The following ARHGAP42 variants were observed in gnomAD, a reference collection of about 807,000 sequenced individuals.
ARHGAP42 encodes the protein rho GTPase-activating protein 42.
ARHGAP42 carries 63 observed loss-of-function variants against 125.0 expected under a neutral mutation model. That is an observed-to-expected ratio of 0.50 (90% CI 0.41 to 0.62). The LOEUF is 0.62. Ranked by LOEUF, ARHGAP42 falls within the 20% of genes least tolerant of loss-of-function variation. The pLI is 0.00. For missense variants in ARHGAP42, 766 were observed against 1,024.2 expected (o/e 0.75, Z 3.44); for synonymous variants, 339 against 351.0 (o/e 0.97, Z 0.38).
intron 1 of ARHGAP42, among the ~76,000 whole-genome samples, chr11:100,732,522 G>A (rs576400351): frequency 9.2e-5 from 14 of 152,228 alleles, no homozygotes; most frequent in African/African-American, 2.6e-4. Context: ...ACAAACAGCC[G>A]TTCATGTCTG....
At chr11:100,948,224 A>G (rs1008022223) in intron 10 of ARHGAP42, among the ~76,000 whole-genome samples, 1 of 152,038 alleles carries the variant, frequency 6.6e-6, no homozygotes, top group African/African-American at 2.4e-5. Flanking sequence ...ACACTTAATG[A>G]TTTTATCACC....
At chr11:100,717,668 A>G (rs1480291898) in intron 1 of ARHGAP42, among the ~76,000 whole-genome samples, 1 of 148,870 alleles carries the variant, frequency 6.7e-6, no homozygotes, top group Non-Finnish European at 1.5e-5. Flanking sequence ...GATTCCATAT[A>G]TAATTCCAGC....
At chr11:100,746,939 G>C (rs951931141) in intron 1 of ARHGAP42, among the ~76,000 whole-genome samples, 1 of 152,078 alleles carries the variant, frequency 6.6e-6, no homozygotes, top group Non-Finnish European at 1.5e-5. Context: ...GCTTGACTTG[G>C]GTGTGATGTG....
intron 3 of ARHGAP42, among the ~76,000 whole-genome samples, chr11:100,844,061 A>G (rs635853): frequency 0.068 from 10,408 of 152,224 alleles, 1,219 homozygotes; most frequent in African/African-American, 0.24. Flanking sequence ...CAATAAGGCC[A>G]TAGTCACCAA....
At chr11:100,897,735 T>A (rs1433036542) in intron 4 of ARHGAP42, among the ~76,000 whole-genome samples, 4 of 152,200 alleles carry the variant, frequency 2.6e-5, no homozygotes, top group Non-Finnish European at 4.4e-5. Context: ...TTAAGGAGAT[T>A]TGAGGCTGAG....
chr11:100,809,524 A>C (rs1393603846), intron 3 of ARHGAP42, among the ~76,000 whole-genome samples: 1 of 152,270 alleles, frequency 6.6e-6, no homozygotes, highest in African/African-American at 2.4e-5. Context: ...ATGAAATTTT[A>C]CAAGACTTAG....
At chr11:100,914,938 A>C (rs565027547) in intron 5 of ARHGAP42, among the ~76,000 whole-genome samples, 13 of 152,124 alleles carry the variant, frequency 8.5e-5, no homozygotes, top group Non-Finnish European at 1.6e-4. Flanking sequence ...TTTTTTTTCC[A>C]ACAGGCATAT....
At chr11:100,820,649 C>T (rs1864383165) in intron 3 of ARHGAP42, among the ~76,000 whole-genome samples, 1 of 152,054 alleles carries the variant, frequency 6.6e-6, no homozygotes, top group African/African-American at 2.4e-5. Flanking sequence ...TCGCTCCATG[C>T]TCTATAATAG....
chr11:100,944,156 A>C (rs1408306925), intron 10 of ARHGAP42, among the ~76,000 whole-genome samples: 1 of 152,052 alleles, frequency 6.6e-6, no homozygotes, highest in East Asian at 1.9e-4. Context: ...CCCCATCATC[A>C]TGAAGGAATC....
chr11:100,851,322 T>C (rs11604197), intron 3 of ARHGAP42, among the ~76,000 whole-genome samples: 15,547 of 152,230 alleles, frequency 0.1, 818 homozygotes, highest in Non-Finnish European at 0.12. Flanking sequence ...ATGCCATTTA[T>C]ATTTAGTCAT....
intron 12 of ARHGAP42, among the ~76,000 whole-genome samples, chr11:100,956,896 G>C (rs1857819738): frequency 6.6e-6 from 1 of 152,040 alleles, no homozygotes; most frequent in African/African-American, 2.4e-5. Flanking sequence ...AACAACACTT[G>C]TGGCTGACAG....
intron 3 of ARHGAP42, among the ~76,000 whole-genome samples, chr11:100,827,012 T>C (rs2135086449): frequency 7.0e-6 from 1 of 142,790 alleles, no homozygotes; most frequent in Non-Finnish European, 1.5e-5. Flanking sequence ...CTTTTTTTTT[T>C]TTTTTTTTTT....
At chr11:100,887,787 G>A (rs1333116594) in intron 4 of ARHGAP42, among the ~76,000 whole-genome samples, 2 of 152,162 alleles carry the variant, frequency 1.3e-5, no homozygotes, top group Non-Finnish European at 2.9e-5. Context: ...CCCTCCTGAG[G>A]CAGGCCATAA....
In ARHGAP42 at chr11:100,734,062, G is replaced by A. The variant is rs190690698; in HGVS notation, c.155-36281G>A. 3.5e-4 allele frequency among the ~76,000 whole-genome samples: 52 copies of A among 149,870 alleles called. No homozygotes were observed. In the East Asian group the frequency reaches 9.4e-3, roughly 27 times the overall value. ...CGATTCTCCTGCCTCAGCCTCCCGA[G>A]TAGCTGGGATTACAGGCACCCACCA... On this transcript the variant is annotated intron_variant, in intron 1 of 23. Coordinates refer to ENST00000298815, the MANE Select transcript of ARHGAP42 (RefSeq NM_152432.4).
At chr11:100,959,862 C>G (rs766699937) in intron 12 of ARHGAP42, 21 bp from the exon 13 acceptor site, 3 of 1,549,748 alleles carry the variant, frequency 1.9e-6, no homozygotes, top group Non-Finnish European at 2.6e-6. Flanking sequence ...ACACCTAATG[C>G]GATTTCTCTC....
At chr11:100,787,217 G>T (rs918996025) in intron 2 of ARHGAP42, among the ~76,000 whole-genome samples, 1 of 151,880 alleles carries the variant, frequency 6.6e-6, no homozygotes, top group Admixed American at 6.6e-5. Context: ...GGCAGAGCTT[G>T]CAGTGAGCCG....
At chr11:100,781,466 A>G (rs1863309110) in intron 2 of ARHGAP42, among the ~76,000 whole-genome samples, 1 of 152,190 alleles carries the variant, frequency 6.6e-6, no homozygotes, top group East Asian at 1.9e-4. Context: ...CATGGGTACT[A>G]GAACCTTGAT....
chr11:100,870,348 A>G (rs1312882456), intron 4 of ARHGAP42, among the ~76,000 whole-genome samples: 1 of 152,180 alleles, frequency 6.6e-6, no homozygotes, highest in East Asian at 1.9e-4. Context: ...TTCTCTGCAT[A>G]ACAAGGTGGT....
intron 4 of ARHGAP42, among the ~76,000 whole-genome samples, chr11:100,889,838 T>C (rs1866177191): frequency 6.6e-6 from 1 of 152,166 alleles, no homozygotes; most frequent in Admixed American, 6.5e-5. Context: ...CTTATATCCT[T>C]AACTTAACTC....
Sources: allele counts gnomAD v4.1 joint callset (sites outside exome capture counted in the v4.1 genomes callset), GRCh38; gene constraint gnomAD v4.1.1; transcripts MANE v1.5; gene names NCBI Gene and HGNC (gene_info 2026-07-23, HGNC 2026-07-21).